Variants in ANO4 observed in about 807,000 individuals in gnomAD.
ANO4 encodes anoctamin 4.
In ANO4, 69 loss-of-function variants were observed where a neutral mutation model predicts 141.9. The observed-to-expected ratio is 0.49, with a 90% CI of 0.40 to 0.59. ANO4 has a LOEUF of 0.59. Among genes scored for constraint, ANO4 ranks in the 20% least tolerant of loss-of-function variants. The pLI, the probability that ANO4 is intolerant of heterozygous loss-of-function variation, is 0.00. For missense variants in ANO4, 894 were observed against 1,162.2 expected, an observed-to-expected ratio of 0.77 and a Z score of 3.36; for synonymous variants, 350 against 394.3, an observed-to-expected ratio of 0.89 and a Z score of 1.33.
In ANO4 at chr12:101,036,491, A is replaced by G. The variant is rs1474756561; in HGVS notation, c.842-604A>G. On this transcript the variant is annotated intron_variant, in intron 9 of 27. Transcript: ENST00000392977. ...AATGGATAAAGGAATTGTGGTACAT[A>G]TATACAATGGAATATTGTTCAACCA... Among the ~76,000 whole-genome samples the G allele has an allele frequency of 3.3e-5, 5 of 152,308 alleles. No individual in the cohort carries two copies. In the East Asian group the frequency reaches 7.7e-4, roughly 23 times the overall value.
chr12:100,785,747 G>C (rs954876774), intron 3 of ANO4, among the ~76,000 whole-genome samples: 1 of 152,128 alleles, frequency 6.6e-6, no homozygotes. Context: ...TTTTCAGCTC[G>C]TTTGGGAAGA....
intron 1 of ANO4, among the ~76,000 whole-genome samples, chr12:100,877,555 G>A (rs1247786371): frequency 6.6e-6 from 1 of 151,616 alleles, no homozygotes; most frequent in Non-Finnish European, 1.5e-5. Context: ...CAGCTGAGGT[G>A]GTGGGAGGAG....
intron 3 of ANO4, among the ~76,000 whole-genome samples, chr12:100,762,953 A>G (rs1169159912): frequency 6.6e-6 from 1 of 152,170 alleles, no homozygotes; most frequent in Non-Finnish European, 1.5e-5. Context: ...AGTCTTCAGA[A>G]CAGCCTTTTG....
chr12:101,002,516 G>C (rs542978856), intron 8 of ANO4, among the ~76,000 whole-genome samples: 2 of 152,292 alleles, frequency 1.3e-5, no homozygotes, highest in East Asian at 3.9e-4. Context: ...TTGGGCTGGT[G>C]CTCCTGCAGC....
At chr12:100,925,958 G>A (rs2041855259) in intron 3 of ANO4, among the ~76,000 whole-genome samples, 1 of 151,670 alleles carries the variant, frequency 6.6e-6, no homozygotes, top group African/African-American at 2.4e-5. Flanking sequence ...GGGTAGGCTG[G>A]CCATGATGGT....
chr12:100,777,058 G>A, intron 3 of ANO4, among the ~76,000 whole-genome samples: 1 of 151,214 alleles, frequency 6.6e-6, no homozygotes, highest in Non-Finnish European at 1.5e-5. Flanking sequence ...AAGCAATTTA[G>A]TGACAGAGCC....
At chr12:101,037,224 T>A in intron 10 of ANO4, 74 bp downstream of exon 10, 1 of 1,461,866 alleles carries the variant, frequency 6.8e-7, no homozygotes, top group Non-Finnish European at 9.5e-7. Flanking sequence ...AGATAGTCAA[T>A]AATTGAATTT....
intron 1 of ANO4, among the ~76,000 whole-genome samples, chr12:100,862,972 T>C (rs1407274561): frequency 2.0e-5 from 3 of 152,146 alleles, no homozygotes; most frequent in Admixed American, 6.6e-5. Context: ...TTACTAATCA[T>C]TTCAGGACAG....
chr12:101,112,745 T>G (rs2050709778), intron 24 of ANO4, among the ~76,000 whole-genome samples: 2 of 152,208 alleles, frequency 1.3e-5, no homozygotes, highest in South Asian at 4.1e-4. Flanking sequence ...GAATCCTACA[T>G]AAATGGGCTA....
intron 2 of ANO4, among the ~76,000 whole-genome samples, chr12:100,903,568 A>C (rs1480105733): frequency 6.6e-6 from 1 of 152,168 alleles, no homozygotes; most frequent in East Asian, 1.9e-4. Context: ...GCATCAATCA[A>C]GGTTCAATCA....
chr12:100,946,712 T>C (rs1340916134), intron 5 of ANO4, among the ~76,000 whole-genome samples: 1 of 152,102 alleles, frequency 6.6e-6, no homozygotes, highest in African/African-American at 2.4e-5. Context: ...GGACTAGAGA[T>C]ACACATTTGA....
At chr12:100,775,216 C>T (rs943779900) in intron 3 of ANO4, among the ~76,000 whole-genome samples, 1 of 152,144 alleles carries the variant, frequency 6.6e-6, no homozygotes, top group Non-Finnish European at 1.5e-5. Flanking sequence ...AGCAGTCTTT[C>T]AAACATACAG....
At chr12:100,758,308 T>C (rs925299070) in intron 3 of ANO4, among the ~76,000 whole-genome samples, 1 of 152,228 alleles carries the variant, frequency 6.6e-6, no homozygotes, top group Non-Finnish European at 1.5e-5. Context: ...GCTTGCCATG[T>C]GACTGGTGCC....
At chr12:100,982,770 T>C (rs570819127) in intron 7 of ANO4, among the ~76,000 whole-genome samples, 28 of 152,366 alleles carry the variant, frequency 1.8e-4, no homozygotes, top group South Asian at 1.2e-3. Flanking sequence ...AAGTCCATCA[T>C]TGTATACTAA....
chr12:100,826,274 GT>G (rs1226539984), intron 1 of ANO4, among the ~76,000 whole-genome samples: 1 of 128,928 alleles, frequency 7.8e-6, no homozygotes, highest in East Asian at 2.2e-4. Context: ...AAATAAATAT[GT>G]TTGAAGATGG....
At chr12:100,773,649 G>T (rs1226492185) in intron 3 of ANO4, among the ~76,000 whole-genome samples, 1 of 152,170 alleles carries the variant, frequency 6.6e-6, no homozygotes, top group African/African-American at 2.4e-5. Flanking sequence ...AGTATACAGA[G>T]GGAACTGCCT....
At chr12:101,073,805 CGTT>C (rs2048920622) in intron 14 of ANO4, among the ~76,000 whole-genome samples, 1 of 152,008 alleles carries the variant, frequency 6.6e-6, no homozygotes, top group Non-Finnish European at 1.5e-5. Flanking sequence ...TGTCGACTAA[CGTT>C]GTGAGAAGAT....
chr12:100,994,560 T>C (rs189896296), intron 8 of ANO4, among the ~76,000 whole-genome samples: 105 of 152,332 alleles, frequency 6.9e-4, no homozygotes, highest in African/African-American at 2.5e-3. Flanking sequence ...ATGTGCTAGA[T>C]ATAGACAGAA....
Position 100,922,335 on chromosome 12 carries a change from G to A in ANO4, c.160+5G>A. 1 of 1,516,058 alleles carries A rather than the reference G, an allele frequency of 6.6e-7. No homozygotes were observed. Among genetic ancestry groups the A allele is most frequent in the Non-Finnish European group, 8.8e-7 (1 of 1,139,082 alleles). 93.9% of individuals were successfully genotyped at this position (1,516,058 alleles called of 1,614,324 possible). On this transcript the variant is annotated splice_donor_5th_base_variant and intron_variant, in intron 3 of 27. Transcript: ENST00000392977. ...TTCTTAATGCAATACAAGAAAGTAA[G>A]TTTCACTCAAATTTTAAATTCGCCG...
Sources: allele counts gnomAD v4.1 joint callset (sites outside exome capture counted in the v4.1 genomes callset), GRCh38; gene constraint gnomAD v4.1.1; transcripts MANE v1.5; gene names NCBI Gene and HGNC (gene_info 2026-07-23, HGNC 2026-07-21).